COL21A1: variants seen among roughly 807,000 people sequenced by gnomAD.
The protein encoded by COL21A1 is collagen alpha-1(XXI) chain.
Under a neutral mutation model 137.9 loss-of-function variants are expected in COL21A1, and 149 were observed. The ratio of observed to expected loss-of-function variants is 1.08; its 90% CI spans 0.95 to 1.24. COL21A1 has a LOEUF of 1.24. COL21A1 is among the 50% of genes most tolerant of loss of function. COL21A1 has a pLI of 0.00. For missense variants in COL21A1, 1,167 were observed against 1,158.4 expected (o/e 1.01, Z -0.11); for synonymous variants, 456 against 391.5 (o/e 1.16, Z -1.95).
chr6:56,071,964 A>T (rs1387346795), intron 20 of COL21A1, among the ~76,000 whole-genome samples: 1 of 150,664 alleles, frequency 6.6e-6, no homozygotes, highest in Non-Finnish European at 1.5e-5. Context: ...ATGCTCTTCC[A>T]CTCCCAACCT....
chr6:56,289,134 C>T (rs1300406911), intron 1 of COL21A1, among the ~76,000 whole-genome samples: 2 of 152,206 alleles, frequency 1.3e-5, no homozygotes, highest in Admixed American at 1.3e-4. Context: ...TGCAGGCCCA[C>T]TTGGTTGCAA....
chr6:56,084,217 A>AAT (rs1554202797), intron 17 of COL21A1, among the ~76,000 whole-genome samples: 3 of 149,116 alleles, frequency 2.0e-5, no homozygotes, highest in Admixed American at 6.7e-5. Flanking sequence ...ATGCAGAAAA[A>AAT]ATATATATAT....
At chr6:56,334,240 C>T (rs1235694686) in intron 1 of COL21A1, among the ~76,000 whole-genome samples, 1 of 152,004 alleles carries the variant, frequency 6.6e-6, no homozygotes, top group Non-Finnish European at 1.5e-5. Context: ...AGTAGGACCC[C>T]CAAGATTAGT....
At chr6:56,331,401 A>G (rs1765221166) in intron 1 of COL21A1, among the ~76,000 whole-genome samples, 1 of 151,984 alleles carries the variant, frequency 6.6e-6, no homozygotes, top group Non-Finnish European at 1.5e-5. Context: ...CCAGCAATTT[A>G]ATAGTTACAG....
intron 1 of COL21A1, among the ~76,000 whole-genome samples, chr6:56,193,770 T>A (rs4989962): frequency 6.7e-6 from 1 of 149,942 alleles, no homozygotes; most frequent in African/African-American, 2.5e-5. Flanking sequence ...GTTTTTTTTT[T>A]TTTTTGAGAA....
intron 1 of COL21A1, among the ~76,000 whole-genome samples, chr6:56,212,731 T>G (rs1780247827): frequency 6.6e-6 from 1 of 151,990 alleles, no homozygotes; most frequent in African/African-American, 2.4e-5. Context: ...TCACCTCACT[T>G]AATAGAGCAC....
chr6:56,353,130 A>G (rs1304178743), intron 1 of COL21A1, among the ~76,000 whole-genome samples: 1 of 152,180 alleles, frequency 6.6e-6, no homozygotes, highest in East Asian at 1.9e-4. Flanking sequence ...TTATCCCATC[A>G]TGAAGTGGAG....
chr6:56,210,266 G>T (rs1469685102), intron 1 of COL21A1, among the ~76,000 whole-genome samples: 1 of 151,984 alleles, frequency 6.6e-6, no homozygotes, highest in Non-Finnish European at 1.5e-5. Flanking sequence ...AATAAAAAAA[G>T]AATAATTTAA....
upstream of COL21A1, among the ~76,000 whole-genome samples, chr6:56,250,580 T>C (rs2152329037): frequency 6.6e-6 from 1 of 152,272 alleles, no homozygotes; most frequent in South Asian, 2.1e-4. Flanking sequence ...ACCCTGAGCC[T>C]AGATGAGAGC....
intron 16 of COL21A1, among the ~76,000 whole-genome samples, chr6:56,110,302 TA>T (rs1771310934): frequency 1.3e-5 from 2 of 150,368 alleles, no homozygotes; most frequent in African/African-American, 4.9e-5. Flanking sequence ...CATGATATTT[TA>T]AAAGAAAACT....
At chr6:56,303,213 G>C (rs1384379975) in intron 1 of COL21A1, among the ~76,000 whole-genome samples, 1 of 152,168 alleles carries the variant, frequency 6.6e-6, no homozygotes, top group Non-Finnish European at 1.5e-5. Flanking sequence ...GGCAATGTGG[G>C]CTCTTTTTTG....
chr6:56,203,411 G>T (rs1779535370), intron 1 of COL21A1, among the ~76,000 whole-genome samples: 3 of 152,204 alleles, frequency 2.0e-5, no homozygotes, highest in Admixed American at 6.5e-5. Flanking sequence ...GACATCAAGT[G>T]ATATGAATAA....
intron 1 of COL21A1, among the ~76,000 whole-genome samples, chr6:56,337,239 G>C (rs1213239470): frequency 2.0e-5 from 3 of 152,102 alleles, no homozygotes; most frequent in Non-Finnish European, 2.9e-5. Flanking sequence ...TATCTGAAGG[G>C]CTCCACCACA....
chr6:56,067,434 A>G (rs991646141), intron 22 of COL21A1, 104 bp from the exon 23 acceptor site: 5 of 982,234 alleles, frequency 5.1e-6, no homozygotes, highest in Non-Finnish European at 7.8e-6. Flanking sequence ...TCTCGTGCAA[A>G]CTCCACAAGT....
intron 1 of COL21A1, among the ~76,000 whole-genome samples, chr6:56,200,009 G>A (rs1310440941): frequency 5.3e-5 from 8 of 152,102 alleles, no homozygotes; most frequent in Non-Finnish European, 8.8e-5. Flanking sequence ...GTTAGATTTG[G>A]AGGTCAAAGA....
chr6:56,211,438 A>C (rs1052305295), intron 1 of COL21A1, among the ~76,000 whole-genome samples: 30 of 152,036 alleles, frequency 2.0e-4, no homozygotes, highest in Non-Finnish European at 3.4e-4. Flanking sequence ...TTACTAAAAA[A>C]TATGTCAGAA....
At position 56,322,806 on chromosome 6, in the gene COL21A1, C is replaced by G. The variant is rs77257161; in HGVS notation, c.-39+71165G>C. Among the ~76,000 whole-genome samples the G allele has an allele frequency of 7.6e-3, 1,129 of 148,266 alleles. 14 individuals carry two copies. Among genetic ancestry groups the G allele is most frequent in the African/African-American group, 0.026 (1,068 of 40,474 alleles). On this transcript the variant is annotated intron_variant, in intron 1 of 28. Transcript: ENST00000370819. ...TGTGTTAATATTTAATCCAAAATGCCAGGTAAATCCTTTGAAATCAAAGTT... is the reference window on the plus strand; with the variant it reads ...TGTGTTAATATTTAATCCAAAATGCGAGGTAAATCCTTTGAAATCAAAGTT...
At chr6:56,394,036 C>T (rs1387769842) in exon 1 of COL21A1, 2 of 152,244 alleles carry the variant, frequency 1.3e-5, no homozygotes, top group Non-Finnish European at 2.9e-5. Flanking sequence ...GAGAGAAGCT[C>T]CCATCTGAAA....
At chr6:56,092,856 A>G (rs1255632551) in intron 17 of COL21A1, among the ~76,000 whole-genome samples, 1 of 152,182 alleles carries the variant, frequency 6.6e-6, no homozygotes. Flanking sequence ...GGAATGCACA[A>G]GTCTGAAGTC....
Sources: allele counts gnomAD v4.1 joint callset (sites outside exome capture counted in the v4.1 genomes callset), GRCh38; gene constraint gnomAD v4.1.1; transcripts MANE v1.5; gene names NCBI Gene and HGNC (gene_info 2026-07-23, HGNC 2026-07-21).